Variants in PLCG2 observed in about 807,000 individuals in gnomAD.
PLCG2 encodes the protein 1-phosphatidylinositol 4,5-bisphosphate phosphodiesterase gamma-2.
PLCG2 carries 69 observed loss-of-function variants against 175.6 expected under a neutral mutation model. The observed-to-expected ratio is 0.39, with a 90% CI of 0.32 to 0.48. PLCG2 has a LOEUF of 0.48. Among genes scored for constraint, PLCG2 ranks in the 20% least tolerant of loss-of-function variants. The probability of loss-of-function intolerance (pLI) is 0.91; values close to 1 mark genes in which losing one functional copy is unlikely to be tolerated. For missense variants in PLCG2, 1,798 were observed against 1,650.9 expected (o/e 1.09, Z -1.54); for synonymous variants, 827 against 624.0 (o/e 1.33, Z -4.85).
intron 32 of PLCG2, 34 bp downstream of exon 32, chr16:81,956,913 G>T (rs762669585): frequency 8.2e-6 from 13 of 1,588,996 alleles, no homozygotes; most frequent in Non-Finnish European, 1.0e-5. Context: ...AAAACTTTTG[G>T]GGGGTCTCTA....
At chr16:81,863,984 C>G (rs948062323) in intron 5 of PLCG2, among the ~76,000 whole-genome samples, 1 of 152,158 alleles carries the variant, frequency 6.6e-6, no homozygotes, top group Non-Finnish European at 1.5e-5. Context: ...GGCAGAGCCA[C>G]GGCAGTAGTG....
intron 1 of PLCG2, 36 bp from the exon 2 acceptor site, chr16:81,785,907 C>T: frequency 7.6e-7 from 1 of 1,320,904 alleles, no homozygotes. Flanking sequence ...CCTTTCAGTA[C>T]TAAAATCAGT....
At chr16:81,800,043 A>G (rs1911653825) in intron 2 of PLCG2, among the ~76,000 whole-genome samples, 2 of 152,198 alleles carry the variant, frequency 1.3e-5, no homozygotes, top group African/African-American at 4.8e-5. Flanking sequence ...CAAGTTACTT[A>G]ACTTTTCATT....
At chr16:81,797,408 A>C (rs1911517573) in intron 2 of PLCG2, among the ~76,000 whole-genome samples, 1 of 152,172 alleles carries the variant, frequency 6.6e-6, no homozygotes, top group African/African-American at 2.4e-5. Context: ...GGTGCTGTGC[A>C]GTTTGGGGTT....
At chr16:81,770,099 G>A (rs544002176) in intron 2 of PLCG2, among the ~76,000 whole-genome samples, 5 of 152,090 alleles carry the variant, frequency 3.3e-5, no homozygotes, top group South Asian at 4.2e-4. Context: ...CACCCCCTTC[G>A]CTAACTGCCT....
At chr16:81,923,683 C>T (rs1053126225) in intron 22 of PLCG2, 89 bp downstream of exon 22, 4 of 750,522 alleles carry the variant, frequency 5.3e-6, no homozygotes, top group South Asian at 3.2e-5. Context: ...CCAAGTCTGA[C>T]CCCCTTTGTC....
At chr16:81,948,271 A>G (rs1397657176) in intron 31 of PLCG2, among the ~76,000 whole-genome samples, 2 of 137,548 alleles carry the variant, frequency 1.5e-5, no homozygotes, top group African/African-American at 5.0e-5. Context: ...CTTGCCATTA[A>G]CTGGAATAGG....
intron 2 of PLCG2, among the ~76,000 whole-genome samples, chr16:81,834,797 A>G (rs1008585427): frequency 1.3e-5 from 2 of 152,220 alleles, no homozygotes; most frequent in Admixed American, 1.3e-4. Flanking sequence ...ACCTCCTGCC[A>G]GTCCCCAGAG....
Position 81,854,603 on chromosome 16 carries a change from T to A in PLCG2, c.337+16T>A. ...AGCTTGGCAGGTAGGTGCATGTTTC[T>A]GTGCCTTTCTCCTTCCCTGTGCCTT... On this transcript the variant is annotated intron_variant, in intron 3 of 32. Coordinates refer to ENST00000564138, the MANE Select transcript of PLCG2 (RefSeq NM_002661.5). 2 of 1,610,660 alleles carry A rather than the reference T, an allele frequency of 1.2e-6. No individual in the cohort carries two copies. Among genetic ancestry groups the A allele is most frequent in the African/African-American group, 2.7e-5 (2 of 75,022 alleles).
At position 81,895,895 on chromosome 16, in the gene PLCG2, G is replaced by C. The variant is rs1462253450; in HGVS notation, c.1161G>C (p.Gln387His). The change falls in exon 13 of 33, where the codon CAG (glutamine) becomes CAC (histidine). Residue 387 changes from glutamine (Q) to histidine (H), a missense_variant. Coordinates refer to ENST00000564138, the MANE Select transcript of PLCG2 (RefSeq NM_002661.5). Reference protein sequence around the residue: ...TTKIKFDDVVQAIKDHAFVTS... With the variant: ...TTKIKFDDVVHAIKDHAFVTS... ...AGATCAAGTTTGACGACGTCGTGCAGGCCATCAAAGACCACGCCTTTGTTA... is the reference window on the plus strand; with the variant it reads ...AGATCAAGTTTGACGACGTCGTGCACGCCATCAAAGACCACGCCTTTGTTA... 1.9e-6 allele frequency: 3 copies of C among 1,614,138 alleles called. No individual in the cohort carries two copies. The highest frequency in any genetic ancestry group is 2.5e-6 in the Non-Finnish European group (3 of 1,180,012).
intron 2 of PLCG2, among the ~76,000 whole-genome samples, chr16:81,816,854 G>A (rs546010088): frequency 7.0e-4 from 106 of 151,982 alleles, no homozygotes; most frequent in African/African-American, 2.3e-3. Context: ...AGAACTGAAA[G>A]TGCGGTTGCG....
At chr16:81,930,746 T>C (rs371684034) in intron 24 of PLCG2, among the ~76,000 whole-genome samples, 1 of 26,190 alleles carries the variant, frequency 3.8e-5, no homozygotes, top group Non-Finnish European at 9.7e-5. Context: ...CCACCCTGTC[T>C]CAAAAAAAAA....
At chr16:81,742,970 C>A (rs1597300104) in intron 1 of PLCG2, among the ~76,000 whole-genome samples, 1 of 152,278 alleles carries the variant, frequency 6.6e-6, no homozygotes, top group East Asian at 1.9e-4. Context: ...GTTCTCGATA[C>A]CTGCTTCACA....
chr16:81,900,818 G>A, intron 14 of PLCG2, 38 bp downstream of exon 14: 1 of 1,571,918 alleles, frequency 6.4e-7, no homozygotes, highest in Non-Finnish European at 8.7e-7. Flanking sequence ...TGTCCAGGGA[G>A]CCCAGTGGCT....
At chr16:81,886,854 T>C (rs532950229) in intron 9 of PLCG2, among the ~76,000 whole-genome samples, 5 of 152,348 alleles carry the variant, frequency 3.3e-5, no homozygotes, top group African/African-American at 7.2e-5. Flanking sequence ...TCGCCATTTA[T>C]TTTTATTTTC....
intron 5 of PLCG2, among the ~76,000 whole-genome samples, chr16:81,859,919 G>C (rs1906882756): frequency 6.6e-6 from 1 of 152,088 alleles, no homozygotes; most frequent in Non-Finnish European, 1.5e-5. Flanking sequence ...TCACTTAAAA[G>C]TACCTCTTGG....
rs529440903 is a variant in PLCG2 at position 81,746,172 on chromosome 16, C to T, written c.-145+6787C>T. ...CCCATGGGTGCTCAGGGCACTGTGG[C>T]ACAAACAAGGCCGGCCTGCTGGATA... On this transcript the variant is annotated intron_variant, in intron 1 of 5. Coordinates refer to the PLCG2 transcript ENST00000565054. Among the ~76,000 whole-genome samples the T allele has an allele frequency of 4.6e-5, 7 of 152,302 alleles. No homozygotes were observed. In the South Asian group the frequency reaches 1.0e-3, roughly 23 times the overall value.
At chr16:81,844,143 A>ATT (rs60183943) in intron 2 of PLCG2, among the ~76,000 whole-genome samples, 1,541 of 93,818 alleles carry the variant, frequency 0.016, 25 homozygotes, top group African/African-American at 0.036. Context: ...CACCCGGCTG[A>ATT]TTTTTTTTTT....
At chr16:81,839,802 A>G (rs1004866299) in intron 2 of PLCG2, among the ~76,000 whole-genome samples, 9 of 152,204 alleles carry the variant, frequency 5.9e-5, no homozygotes, top group African/African-American at 1.4e-4. Context: ...TGTAATCCCA[A>G]CACTTGGGGA....
Sources: allele counts gnomAD v4.1 joint callset (sites outside exome capture counted in the v4.1 genomes callset), GRCh38; gene constraint gnomAD v4.1.1; transcripts MANE v1.5; gene names NCBI Gene and HGNC (gene_info 2026-07-23, HGNC 2026-07-21).